Variants in ADAMTSL1 observed in about 807,000 individuals in gnomAD.
The protein encoded by ADAMTSL1 is ADAMTS-like protein 1.
A neutral mutation model predicts 201.8 loss-of-function variants in ADAMTSL1; 126 were observed. That is an observed-to-expected ratio of 0.62 (90% CI 0.54 to 0.72). ADAMTSL1 has a LOEUF of 0.72. Among genes scored for constraint, ADAMTSL1 ranks in the 30% least tolerant of loss-of-function variants. ADAMTSL1 has a pLI of 0.00. For synonymous variants in ADAMTSL1, 1,121 were observed against 903.4 expected, an observed-to-expected ratio of 1.24 and a Z score of -4.32; for missense variants, 2,679 against 2,277.8, an observed-to-expected ratio of 1.18 and a Z score of -3.59.
In ADAMTSL1 at chr9:18,079,726, T is replaced by TAAATAAAA. The variant is rs1350111631; in HGVS notation, c.88-84133_88-84132insTAAAAAAA. ...ATAAATAAATAAATAAATAAATAAATAAAATAAAAAATAAAAAGCAACCAT... is the reference window on the plus strand; with the variant it reads ...ATAAATAAATAAATAAATAAATAAATAAATAAAAAAAATAAAAAATAAAAAGCAACCAT... On this transcript the variant is annotated intron_variant, in intron 1 of 29. Coordinates refer to the ADAMTSL1 transcript ENST00000680146. Among the ~76,000 whole-genome samples the TAAATAAAA allele has an allele frequency of 5.6e-5, 8 of 141,950 alleles. No homozygotes were observed. In the East Asian group the frequency reaches 5.9e-4, roughly 10 times the overall value. The allele number at this position is 141,950 out of a possible 152,430, so 93.1% of individuals were successfully genotyped here.
chr9:18,897,893 G>C (rs1210875645), intron 26 of ADAMTSL1, among the ~76,000 whole-genome samples: 1 of 152,106 alleles, frequency 6.6e-6, no homozygotes. Flanking sequence ...ACGGTGGATA[G>C]TAGGCTGGGT....
intron 2 of ADAMTSL1, among the ~76,000 whole-genome samples, chr9:18,418,863 A>G (rs914398751): frequency 2.0e-5 from 3 of 152,242 alleles, no homozygotes; most frequent in Non-Finnish European, 4.4e-5. Flanking sequence ...TGTGAAAGGC[A>G]AAGGAATAAG....
chr9:18,450,843 A>G (rs1344652125), intron 2 of ADAMTSL1, among the ~76,000 whole-genome samples: 1 of 152,258 alleles, frequency 6.6e-6, no homozygotes, highest in Non-Finnish European at 1.5e-5. Flanking sequence ...ATCTGGATTC[A>G]GAATATCATT....
chr9:18,716,981 C>G lies in ADAMTSL1; in HGVS notation c.1877-4555C>G, dbSNP rs548977942. Among the ~76,000 whole-genome samples, 134 of 132,796 alleles carry G rather than the reference C, an allele frequency of 1.0e-3. 7 individuals are homozygous for G. The South Asian group carries it at 0.021, about 20-fold the overall frequency. 87.1% of individuals were successfully genotyped at this position (132,796 alleles called of 152,430 possible). ...GAAATCATCATTCTCAGTAAACTAT[C>G]GCAAGAACAAAAAACCAAACCGCAT... is the stretch of plus-strand genomic sequence containing the variant. On this transcript the variant is annotated intron_variant, in intron 14 of 28. Transcript: ENST00000380548.
At chr9:18,330,544 A>G (rs538736512) in intron 2 of ADAMTSL1, among the ~76,000 whole-genome samples, 35 of 152,014 alleles carry the variant, frequency 2.3e-4, no homozygotes, top group Admixed American at 5.2e-4. Flanking sequence ...TCCGAGATGA[A>G]TTCTGTTGGT....
intron 1 of ADAMTSL1, among the ~76,000 whole-genome samples, chr9:18,039,432 TA>T (rs1319253209): frequency 9.2e-5 from 14 of 152,310 alleles, no homozygotes; most frequent in African/African-American, 3.4e-4. Context: ...ATAATTATAA[TA>T]AGTCAACAGT....
chr9:18,375,982 A>C (rs962339373), intron 2 of ADAMTSL1, among the ~76,000 whole-genome samples: 2 of 152,060 alleles, frequency 1.3e-5, no homozygotes, highest in Non-Finnish European at 2.9e-5. Flanking sequence ...TGATTGGTGC[A>C]TTTTACAATC....
In ADAMTSL1 at chr9:18,481,912, C is replaced by T. The variant is rs549051745; in HGVS notation, c.63+7617C>T. On this transcript the variant is annotated intron_variant, in intron 1 of 28. Coordinates refer to ENST00000380548, the MANE Select transcript of ADAMTSL1 (RefSeq NM_001040272.6). Reference sequence around the variant, plus strand: ...GTCTAGAGAGTTTTCATCTGCCCCACTATCACTGGGGAACCTGCTGCCAGA... The same window carrying T: ...GTCTAGAGAGTTTTCATCTGCCCCATTATCACTGGGGAACCTGCTGCCAGA... Among the ~76,000 whole-genome samples the T allele has an allele frequency of 3.3e-5, 5 of 152,298 alleles. No individual in the cohort carries two copies. In the East Asian group the frequency reaches 9.7e-4, roughly 29 times the overall value.
At chr9:18,592,262 GTCA>G (rs1303107040) in intron 4 of ADAMTSL1, among the ~76,000 whole-genome samples, 9 of 152,062 alleles carry the variant, frequency 5.9e-5, no homozygotes, top group African/African-American at 1.7e-4. Flanking sequence ...TTCATTGCTT[GTCA>G]TATAAAATCC....
At chr9:18,222,290 C>T (rs74693038) in intron 2 of ADAMTSL1, among the ~76,000 whole-genome samples, 1,847 of 151,706 alleles carry the variant, frequency 0.012, 51 homozygotes, top group African/African-American at 0.043. Context: ...TTCTTATTGT[C>T]ATTTGGATTC....
intron 21 of ADAMTSL1, among the ~76,000 whole-genome samples, chr9:18,825,042 TATAA>T (rs1279482370): frequency 1.3e-5 from 2 of 152,146 alleles, no homozygotes; most frequent in Non-Finnish European, 2.9e-5. Flanking sequence ...CAGTGAGTTC[TATAA>T]ATAAACTGTG....
chr9:18,558,149 T>C (rs1186158552), intron 3 of ADAMTSL1, among the ~76,000 whole-genome samples: 2 of 152,126 alleles, frequency 1.3e-5, no homozygotes, highest in Non-Finnish European at 2.9e-5. Flanking sequence ...CCTAATGCTA[T>C]CCCTCCCCTA....
At chr9:18,775,977 A>C in intron 18 of ADAMTSL1, 81 bp downstream of exon 18, 2 of 1,512,108 alleles carry the variant, frequency 1.3e-6, no homozygotes, top group Non-Finnish European at 1.8e-6. Context: ...GGCCTTCCCT[A>C]AACTCAAGAC....
intron 23 of ADAMTSL1, among the ~76,000 whole-genome samples, chr9:18,864,162 G>A (rs1827369385): frequency 6.6e-6 from 1 of 152,056 alleles, no homozygotes; most frequent in African/African-American, 2.4e-5. Context: ...CTTTTAGATT[G>A]TATATTCTTA....
chr9:18,206,874 G>A (rs1262146872), intron 2 of ADAMTSL1, among the ~76,000 whole-genome samples: 1 of 152,066 alleles, frequency 6.6e-6, no homozygotes, highest in Admixed American at 6.6e-5. Context: ...AGGAAAGAAA[G>A]TGGAGTGGGC....
chr9:18,125,798 C>G (rs556565015), intron 1 of ADAMTSL1, among the ~76,000 whole-genome samples: 12 of 152,286 alleles, frequency 7.9e-5, no homozygotes, highest in Admixed American at 2.0e-4. Flanking sequence ...TTATTCCAAA[C>G]TGTAGATTTG....
intron 2 of ADAMTSL1, among the ~76,000 whole-genome samples, chr9:18,342,986 C>A (rs973139859): frequency 9.2e-5 from 14 of 151,910 alleles, no homozygotes; most frequent in Non-Finnish European, 2.1e-4. Flanking sequence ...TCTCACTAGA[C>A]TGCACCCATT....
chr9:18,185,116 T>A (rs143315465), intron 2 of ADAMTSL1, among the ~76,000 whole-genome samples: 1 of 152,270 alleles, frequency 6.6e-6, no homozygotes, highest in East Asian at 1.9e-4. Flanking sequence ...GATCCTCACC[T>A]CCTGGTCTTT....
intron 2 of ADAMTSL1, among the ~76,000 whole-genome samples, chr9:18,241,183 A>T: frequency 6.6e-6 from 1 of 152,166 alleles, no homozygotes; most frequent in East Asian, 1.9e-4. Flanking sequence ...GGTGTTTGAC[A>T]TGTCTTCCTC....
Sources: gnomAD v4.1 joint callset for allele counts (sites outside exome capture counted in the v4.1 genomes callset) on GRCh38, gnomAD v4.1.1 for gene constraint, MANE v1.5 for transcripts, NCBI Gene and HGNC (gene_info 2026-07-23, HGNC 2026-07-21) for gene names.